Variants in ARMC2 observed in about 807,000 individuals in gnomAD.
The protein encoded by ARMC2 is armadillo repeat-containing protein 2.
In ARMC2, 67 loss-of-function variants were observed where a neutral mutation model predicts 90.3. The observed-to-expected ratio is 0.74, with a 90% CI of 0.61 to 0.91. The LOEUF is 0.91. Ranked by LOEUF, ARMC2 falls within the 40% of genes least tolerant of loss-of-function variation. The pLI, the probability that ARMC2 is intolerant of heterozygous loss-of-function variation, is 0.00. For synonymous variants in ARMC2, 393 were observed against 393.0 expected, an observed-to-expected ratio of 1.00 and a Z score of 0.00; for missense variants, 920 against 1,030.9, an observed-to-expected ratio of 0.89 and a Z score of 1.47.
At chr6:108,916,396 G>A (rs1410768330) in intron 10 of ARMC2, among the ~76,000 whole-genome samples, 1 of 152,214 alleles carries the variant, frequency 6.6e-6, no homozygotes, top group Non-Finnish European at 1.5e-5. Flanking sequence ...CTGCATGTCA[G>A]AAATGTAATA....
chr6:108,908,147 C>G (rs957597368), intron 8 of ARMC2, among the ~76,000 whole-genome samples: 2 of 149,936 alleles, frequency 1.3e-5, no homozygotes, highest in African/African-American at 2.4e-5. Context: ...CTGGGGGGGG[C>G]CTGAGATTCT....
At chr6:109,027,863 CATATAT>C in the ARMC2 span, among the ~76,000 whole-genome samples, 3 of 151,944 alleles carry the variant, frequency 2.0e-5, no homozygotes, top group African/African-American at 7.2e-5. Flanking sequence ...CATTTAAATA[CATATAT>C]ATATATTTGT....
At chr6:108,911,089 G>A in intron 9 of ARMC2, 88 bp downstream of exon 9, 1 of 792,016 alleles carries the variant, frequency 1.3e-6, no homozygotes, top group East Asian at 3.0e-5. Context: ...ATCAATGATA[G>A]CAAGAATATT....
the ARMC2 span, chr6:108,986,838 C>T: frequency 2.8e-4 from 42 of 152,190 alleles, no homozygotes; most frequent in African/African-American, 9.4e-4. Context: ...AATTTACACA[C>T]TTTCATTTAG....
At chr6:109,042,297 G>C in the ARMC2 span, among the ~76,000 whole-genome samples, 1 of 151,662 alleles carries the variant, frequency 6.6e-6, no homozygotes, top group African/African-American at 2.4e-5. Flanking sequence ...CAAGAGCCTA[G>C]GGAAAGAAGA....
At chr6:108,880,408 T>C (rs1196281435) in intron 5 of ARMC2, among the ~76,000 whole-genome samples, 1 of 152,180 alleles carries the variant, frequency 6.6e-6, no homozygotes, top group Non-Finnish European at 1.5e-5. Context: ...CATTCCTTCA[T>C]GGGACTTTCA....
the ARMC2 span, among the ~76,000 whole-genome samples, chr6:109,039,175 G>C: frequency 6.6e-6 from 1 of 151,998 alleles, no homozygotes; most frequent in Non-Finnish European, 1.5e-5. Context: ...GAAGAAAGAA[G>C]AAGAAGAAAG....
At chr6:108,992,370 G>A in the ARMC2 span, among the ~76,000 whole-genome samples, 3 of 152,220 alleles carry the variant, frequency 2.0e-5, 1 homozygote, top group South Asian at 6.2e-4. Context: ...ACCTGCCTCA[G>A]CCTCCCAAGG....
At chr6:108,909,719 AGAGATGGGGTTTCACCAC>A (rs1220251063) in intron 8 of ARMC2, among the ~76,000 whole-genome samples, 1 of 152,018 alleles carries the variant, frequency 6.6e-6, no homozygotes, top group African/African-American at 2.4e-5. Context: ...TATTTTTAGT[AGAGATGGGGTTTCACCAC>A]GTTGGTCAGG....
chr6:108,993,178 T>A, the ARMC2 span, among the ~76,000 whole-genome samples: 129 of 152,354 alleles, frequency 8.5e-4, no homozygotes, highest in African/African-American at 3.0e-3. Flanking sequence ...CCAATTTATA[T>A]GTATTAGGTT....
At chr6:109,001,230 C>G in the ARMC2 span, 2 of 1,415,826 alleles carry the variant, frequency 1.4e-6, no homozygotes, top group East Asian at 2.3e-5. Context: ...CATTAACTGT[C>G]TCTTAAAGAG....
At chr6:108,935,555 C>A (rs1295743669) in intron 11 of ARMC2, among the ~76,000 whole-genome samples, 1 of 152,148 alleles carries the variant, frequency 6.6e-6, no homozygotes, top group Non-Finnish European at 1.5e-5. Flanking sequence ...GATTCTCCTG[C>A]CTCAACCTGC....
intron 13 of ARMC2, among the ~76,000 whole-genome samples, chr6:108,956,163 C>T (rs1409146813): frequency 6.6e-6 from 1 of 152,134 alleles, no homozygotes; most frequent in Non-Finnish European, 1.5e-5. Flanking sequence ...CTGTGGCTGC[C>T]CAGGAAGGGC....
At chr6:108,921,470 A>C (rs187619286) in intron 10 of ARMC2, among the ~76,000 whole-genome samples, 2 of 151,814 alleles carry the variant, frequency 1.3e-5, no homozygotes, top group African/African-American at 4.8e-5. Flanking sequence ...TATTACCTTC[A>C]TATGCATATA....
chr6:108,988,937 A>G, the ARMC2 span, among the ~76,000 whole-genome samples: 2 of 152,216 alleles, frequency 1.3e-5, no homozygotes, highest in African/African-American at 4.8e-5. Flanking sequence ...AAAGCTGACA[A>G]TATTAACATA....
the ARMC2 span, among the ~76,000 whole-genome samples, chr6:109,032,884 T>C: frequency 6.6e-6 from 1 of 152,070 alleles, no homozygotes; most frequent in East Asian, 1.9e-4. Flanking sequence ...TTTCTTCTGC[T>C]AAAAGGGAAG....
intron 2 of ARMC2, 113 bp from the exon 3 acceptor site, chr6:108,858,086 G>T: frequency 1.5e-6 from 1 of 675,186 alleles, no homozygotes; most frequent in Non-Finnish European, 2.4e-6. Context: ...TTTTCCTCAT[G>T]GTTTATGCAT....
At chr6:108,907,791 C>A in intron 8 of ARMC2, 1 of 1,610,444 alleles carries the variant, frequency 6.2e-7, no homozygotes. Context: ...GGGCTGAAGT[C>A]CCCCATCAAG....
intron 8 of ARMC2, 97 bp downstream of exon 8, chr6:108,904,502 G>C: frequency 8.4e-7 from 1 of 1,193,866 alleles, no homozygotes; most frequent in Non-Finnish European, 1.1e-6. Context: ...TAGAAATGCA[G>C]TGTATTTGTT....
Sources: gnomAD v4.1 joint callset for allele counts (sites outside exome capture counted in the v4.1 genomes callset) on GRCh38, gnomAD v4.1.1 for gene constraint, MANE v1.5 for transcripts, NCBI Gene and HGNC (gene_info 2026-07-23, HGNC 2026-07-21) for gene names.